The following HEMK2 variants were observed in gnomAD, a reference collection of about 807,000 sequenced individuals.
HEMK2 encodes methyltransferase HEMK2.
the HEMK2 span, among the ~76,000 whole-genome samples, chr21:28,777,128 T>C: frequency 1.3e-5 from 2 of 152,240 alleles, no homozygotes; most frequent in Non-Finnish European, 2.9e-5. Flanking sequence ...TAGAATGTTT[T>C]TGATGCAAGT....
the HEMK2 span, among the ~76,000 whole-genome samples, chr21:28,591,441 T>C: frequency 5.3e-4 from 80 of 152,254 alleles, 1 homozygote; most frequent in Non-Finnish European, 4.4e-5. Flanking sequence ...TTGAAGAATT[T>C]TGCACGTCAA....
chr21:28,633,423 A>G, the HEMK2 span, among the ~76,000 whole-genome samples: 1 of 152,220 alleles, frequency 6.6e-6, no homozygotes, highest in Non-Finnish European at 1.5e-5. Flanking sequence ...CTAAAAGCAC[A>G]CAGGGCAATT....
At chr21:28,639,953 G>A in the HEMK2 span, among the ~76,000 whole-genome samples, 1 of 152,158 alleles carries the variant, frequency 6.6e-6, no homozygotes, top group African/African-American at 2.4e-5. Context: ...GATCTGAGGG[G>A]GTGGAGGAGG....
the HEMK2 span, among the ~76,000 whole-genome samples, chr21:28,719,864 T>C: frequency 6.6e-6 from 1 of 152,350 alleles, no homozygotes; most frequent in South Asian, 2.1e-4. Context: ...TCTCAGTGCT[T>C]TCATGGCCAT....
the HEMK2 span, among the ~76,000 whole-genome samples, chr21:28,733,556 T>C: frequency 3.8e-3 from 571 of 152,210 alleles, 2 homozygotes; most frequent in Non-Finnish European, 5.9e-3. Context: ...AACCTGAACA[T>C]GTATTTCCTC....
chr21:28,657,448 A>G, the HEMK2 span, among the ~76,000 whole-genome samples: 57 of 152,020 alleles, frequency 3.7e-4, no homozygotes, highest in African/African-American at 1.4e-3. Context: ...GATCTAACCC[A>G]TGAGTTTGTA....
chr21:28,669,893 T>C, the HEMK2 span, among the ~76,000 whole-genome samples: 1 of 152,186 alleles, frequency 6.6e-6, no homozygotes, highest in Non-Finnish European at 1.5e-5. Flanking sequence ...GCTCCCTACA[T>C]TGAAAAGGGG....
At chr21:28,707,357 G>A in the HEMK2 span, among the ~76,000 whole-genome samples, 2 of 150,850 alleles carry the variant, frequency 1.3e-5, no homozygotes, top group South Asian at 4.2e-4. Flanking sequence ...CCCCATTCAA[G>A]TGATCCTCCC....
At chr21:28,689,771 A>T in the HEMK2 span, among the ~76,000 whole-genome samples, 1 of 152,202 alleles carries the variant, frequency 6.6e-6, no homozygotes, top group African/African-American at 2.4e-5. Context: ...TGATCACATG[A>T]GCCCTTCAAA....
the HEMK2 span, among the ~76,000 whole-genome samples, chr21:28,861,592 A>C: frequency 0.11 from 16,422 of 152,168 alleles, 1,341 homozygotes; most frequent in African/African-American, 0.22. Context: ...CCCCAAGGAG[A>C]CGTCATGGTC....
the HEMK2 span, among the ~76,000 whole-genome samples, chr21:28,616,452 T>G: frequency 6.6e-6 from 1 of 152,202 alleles, no homozygotes. Flanking sequence ...TAGTCTTGTT[T>G]GAAAAGTTAT....
chr21:28,773,732 C>T, the HEMK2 span, among the ~76,000 whole-genome samples: 1 of 152,132 alleles, frequency 6.6e-6, no homozygotes, highest in African/African-American at 2.4e-5. Flanking sequence ...AAAATCCCAG[C>T]TGCAATGCTC....
the HEMK2 span, among the ~76,000 whole-genome samples, chr21:28,751,099 C>T: frequency 4.6e-5 from 7 of 151,700 alleles, no homozygotes; most frequent in South Asian, 2.1e-4. Flanking sequence ...GGCGTGGTGG[C>T]GAGCACCTGT....
the HEMK2 span, among the ~76,000 whole-genome samples, chr21:28,601,874 C>T: frequency 6.6e-6 from 1 of 152,172 alleles, no homozygotes; most frequent in Non-Finnish European, 1.5e-5. Context: ...TCAGCAGACT[C>T]ACCATTAAAC....
At chr21:28,646,479 AACTCT>A in the HEMK2 span, among the ~76,000 whole-genome samples, 1 of 152,238 alleles carries the variant, frequency 6.6e-6, no homozygotes, top group Admixed American at 6.5e-5. Context: ...TGACCCAAAT[AACTCT>A]CTCATAAAGT....
the HEMK2 span, among the ~76,000 whole-genome samples, chr21:28,726,869 T>TAAA: frequency 0.14 from 17,590 of 130,028 alleles, 1,361 homozygotes; most frequent in East Asian, 0.27. Context: ...GGACCCTATC[T>TAAA]AAAAAAAAAA....
At chr21:28,880,949 A>AAG in the HEMK2 span, among the ~76,000 whole-genome samples, 2 of 139,774 alleles carry the variant, frequency 1.4e-5, no homozygotes, top group South Asian at 2.3e-4. Context: ...AAAAAAAAAA[A>AAG]AAACCGGAAA....
the HEMK2 span, among the ~76,000 whole-genome samples, chr21:28,856,908 C>G: frequency 6.6e-6 from 1 of 152,218 alleles, no homozygotes; most frequent in Non-Finnish European, 1.5e-5. Context: ...TTTGCATACT[C>G]CAGCCCCGGG....
chr21:28,745,062 A>G, the HEMK2 span, among the ~76,000 whole-genome samples: 1 of 152,224 alleles, frequency 6.6e-6, no homozygotes, highest in African/African-American at 2.4e-5. Flanking sequence ...AGTAGCCACT[A>G]TTGGCAAAAA....
Sources: allele counts gnomAD v4.1 joint callset (sites outside exome capture counted in the v4.1 genomes callset), GRCh38; gene constraint gnomAD v4.1.1; transcripts MANE v1.5; gene names NCBI Gene and HGNC (gene_info 2026-07-23, HGNC 2026-07-21).